Variants in PLCB1 observed in about 807,000 individuals in gnomAD.
The protein encoded by PLCB1 is phospholipase C beta 1, also known as 1-phosphatidylinositol 4,5-bisphosphate phosphodiesterase beta-1.
A neutral mutation model predicts 161.8 loss-of-function variants in PLCB1; 46 were observed. The observed-to-expected ratio is 0.28, with a 90% CI of 0.22 to 0.36. The LOEUF is 0.36. PLCB1 is among the 10% of genes least tolerant of loss of function. PLCB1 has a pLI of 1.00. For missense variants in PLCB1, 1,016 were observed against 1,472.5 expected (o/e 0.69, Z 5.07); for synonymous variants, 517 against 503.7 (o/e 1.03, Z -0.35).
chr20:8,395,021 T>A (rs1174219901), intron 3 of PLCB1, among the ~76,000 whole-genome samples: 1 of 152,170 alleles, frequency 6.6e-6, no homozygotes, highest in African/African-American at 2.4e-5. Flanking sequence ...TTTCTATGAA[T>A]GTTAATTAAA....
intron 2 of PLCB1, among the ~76,000 whole-genome samples, chr20:8,251,436 A>C (rs772302207): frequency 6.6e-6 from 1 of 151,884 alleles, no homozygotes; most frequent in Non-Finnish European, 1.5e-5. Flanking sequence ...TGCCAGGCGG[A>C]TAAGAGCAGG....
chr20:8,327,865 T>C (rs570764386), intron 2 of PLCB1, among the ~76,000 whole-genome samples: 125 of 152,068 alleles, frequency 8.2e-4, no homozygotes, highest in Non-Finnish European at 1.5e-3. Context: ...ACTACAAATA[T>C]ATATTATATA....
At position 8,771,757 on chromosome 20, in the gene PLCB1, G is replaced by C. The variant is rs566181778; in HGVS notation, c.2931-2782G>C. On this transcript the variant is annotated intron_variant, in intron 26 of 31. Coordinates refer to ENST00000338037, the MANE Select transcript of PLCB1 (RefSeq NM_015192.4). Reference sequence around the variant, plus strand: ...CTTTTCTTCAAGTGGCAAAGCCAGTGGGTCTGATTATGTCTACCTGTCTTC... The same window carrying C: ...CTTTTCTTCAAGTGGCAAAGCCAGTCGGTCTGATTATGTCTACCTGTCTTC... Among the ~76,000 whole-genome samples, 47 of 152,228 alleles carry C rather than the reference G, an allele frequency of 3.1e-4. 1 individual carries two copies. The Middle Eastern group carries it at 0.014, about 44-fold the overall frequency.
In PLCB1 at chr20:8,310,975, A is replaced by G. The variant is rs572577668; in HGVS notation, c.178-60407A>G. 1.2e-4 allele frequency among the ~76,000 whole-genome samples: 19 copies of G among 152,290 alleles called. No individual in the cohort carries two copies. In the East Asian group the frequency reaches 3.7e-3, roughly 29 times the overall value. ...ACTGATGGGCACCTGGGTTGATGCC[A>G]TGTCTTTTCTGTTGTGATTAGTGCT... On this transcript the variant is annotated intron_variant, in intron 2 of 31. Coordinates refer to ENST00000338037, the MANE Select transcript of PLCB1 (RefSeq NM_015192.4).
intron 2 of PLCB1, among the ~76,000 whole-genome samples, chr20:8,232,263 T>G (rs1362814760): frequency 6.6e-6 from 1 of 151,898 alleles, no homozygotes; most frequent in Non-Finnish European, 1.5e-5. Flanking sequence ...AGATCATGCT[T>G]TCAGATTCCT....
intron 4 of PLCB1, among the ~76,000 whole-genome samples, chr20:8,644,207 C>T (rs867012496): frequency 7.2e-5 from 11 of 152,130 alleles, no homozygotes; most frequent in Middle Eastern, 6.8e-3. Flanking sequence ...AGCCTCTGCC[C>T]GGCCACCACC....
chr20:8,791,093 T>G (rs1983735480), intron 31 of PLCB1, among the ~76,000 whole-genome samples: 1 of 152,194 alleles, frequency 6.6e-6, no homozygotes, highest in Admixed American at 6.5e-5. Context: ...GTTTACTTCT[T>G]ATAGATTTCT....
At chr20:8,622,674 T>C (rs1462453071) in intron 3 of PLCB1, among the ~76,000 whole-genome samples, 2 of 152,180 alleles carry the variant, frequency 1.3e-5, no homozygotes, top group African/African-American at 4.8e-5. Flanking sequence ...ACACAGTCTT[T>C]AAAGACCTTC....
At chr20:8,591,191 T>C (rs1463465372) in intron 3 of PLCB1, among the ~76,000 whole-genome samples, 1 of 152,178 alleles carries the variant, frequency 6.6e-6, no homozygotes, top group Non-Finnish European at 1.5e-5. Flanking sequence ...CCATGGTGTA[T>C]AAGATCAGCT....
At chr20:8,307,445 GACCTGACTGCCC>G (rs1466331313) in intron 2 of PLCB1, among the ~76,000 whole-genome samples, 20 of 152,228 alleles carry the variant, frequency 1.3e-4, no homozygotes, top group Non-Finnish European at 2.1e-4. Flanking sequence ...ATCTGTCGAC[GACCTGACTGCCC>G]ACCTTTAGCA....
intron 2 of PLCB1, among the ~76,000 whole-genome samples, chr20:8,151,569 A>G (rs2051508576): frequency 6.6e-6 from 1 of 152,170 alleles, no homozygotes; most frequent in South Asian, 2.1e-4. Context: ...TTCCTACTTA[A>G]CGCTCACATT....
At chr20:8,300,452 T>C (rs1983849322) in intron 2 of PLCB1, among the ~76,000 whole-genome samples, 1 of 152,036 alleles carries the variant, frequency 6.6e-6, no homozygotes, top group Admixed American at 6.6e-5. Context: ...AAGGCCTTTC[T>C]CCCCAAATTA....
At chr20:8,618,796 A>G (rs529222264) in intron 3 of PLCB1, among the ~76,000 whole-genome samples, 5 of 152,322 alleles carry the variant, frequency 3.3e-5, no homozygotes, top group Admixed American at 3.3e-4. Context: ...GTTATTCCTT[A>G]TAAAAGTAGA....
At chr20:8,271,204 G>C (rs1291699805) in intron 2 of PLCB1, among the ~76,000 whole-genome samples, 1 of 152,148 alleles carries the variant, frequency 6.6e-6, no homozygotes, top group Non-Finnish European at 1.5e-5. Flanking sequence ...GAATAAAAGA[G>C]ATGAGGACGA....
At chr20:8,417,052 C>CATATAT (rs1568667920) in intron 3 of PLCB1, among the ~76,000 whole-genome samples, 10 of 63,164 alleles carry the variant, frequency 1.6e-4, no homozygotes, top group Non-Finnish European at 2.0e-4. Flanking sequence ...CACACACACA[C>CATATAT]ACATATATAT....
intron 3 of PLCB1, among the ~76,000 whole-genome samples, chr20:8,463,974 G>A (rs894004104): frequency 1.3e-5 from 2 of 152,080 alleles, no homozygotes; most frequent in Non-Finnish European, 2.9e-5. Context: ...TGGTTCTGTA[G>A]GAAATCCTCC....
At chr20:8,677,999 G>C (rs1219839033) in intron 9 of PLCB1, among the ~76,000 whole-genome samples, 1 of 152,184 alleles carries the variant, frequency 6.6e-6, no homozygotes, top group Non-Finnish European at 1.5e-5. Context: ...GATTGGAGCA[G>C]ATAAAAGGCT....
In PLCB1 at chr20:8,157,136, G is replaced by A. The variant is rs187160665; in HGVS notation, c.177+6765G>A. On this transcript the variant is annotated intron_variant, in intron 2 of 31. Coordinates refer to ENST00000338037, the MANE Select transcript of PLCB1 (RefSeq NM_015192.4). ...TGTTGTGGGAACAGAGCCATGGAAG[G>A]CAAAAGAAGGATTTATTGTTTAAAA... Among the ~76,000 whole-genome samples, 6 of 152,302 alleles carry A rather than the reference G, an allele frequency of 3.9e-5. No homozygotes were observed. In the East Asian group the frequency reaches 1.2e-3, roughly 29 times the overall value.
At chr20:8,543,535 T>C (rs1348121071) in intron 3 of PLCB1, among the ~76,000 whole-genome samples, 1 of 151,602 alleles carries the variant, frequency 6.6e-6, no homozygotes, top group Non-Finnish European at 1.5e-5. Context: ...GGAATTACAC[T>C]CATGTATATA....
Sources: gnomAD v4.1 joint callset for allele counts (sites outside exome capture counted in the v4.1 genomes callset) on GRCh38, gnomAD v4.1.1 for gene constraint, MANE v1.5 for transcripts, NCBI Gene and HGNC (gene_info 2026-07-23, HGNC 2026-07-21) for gene names.